The following SLC30A8 variants were observed in gnomAD, a reference collection of about 807,000 sequenced individuals.
SLC30A8 encodes proton-coupled zinc antiporter SLC30A8.
SLC30A8 carries 27 observed loss-of-function variants against 36.9 expected under a neutral mutation model. The observed-to-expected ratio is 0.73, with a 90% CI of 0.54 to 1.01. SLC30A8 has a LOEUF of 1.01. Among genes scored for constraint, SLC30A8 ranks in the 50% least tolerant of loss-of-function variants. The pLI, the probability that SLC30A8 is intolerant of heterozygous loss-of-function variation, is 0.00. For synonymous variants in SLC30A8, 164 were observed against 172.4 expected (o/e 0.95, Z 0.38); for missense variants, 439 against 452.0 (o/e 0.97, Z 0.26).
chr8:117,093,703 G>A (rs1819235805), intron 2 of SLC30A8, among the ~76,000 whole-genome samples: 1 of 152,160 alleles, frequency 6.6e-6, no homozygotes, highest in South Asian at 2.1e-4. Context: ...GATTTTTGGG[G>A]TGTTGCTTTG....
intron 1 of SLC30A8, among the ~76,000 whole-genome samples, chr8:117,139,648 A>G (rs1334416482): frequency 6.6e-6 from 1 of 152,122 alleles, no homozygotes; most frequent in African/African-American, 2.4e-5. Context: ...AACAATTAAG[A>G]AGGCCAAAAT....
intron 2 of SLC30A8, among the ~76,000 whole-genome samples, chr8:117,073,981 C>A (rs1818413806): frequency 8.1e-6 from 1 of 122,874 alleles, no homozygotes; most frequent in Non-Finnish European, 1.6e-5. Context: ...ATCTTTCTTG[C>A]CACAGGAGAG....
At chr8:117,090,114 C>T (rs1169934478) in intron 2 of SLC30A8, among the ~76,000 whole-genome samples, 1 of 152,030 alleles carries the variant, frequency 6.6e-6, no homozygotes, top group Non-Finnish European at 1.5e-5. Flanking sequence ...CAGGCATCTG[C>T]CACCATGCCT....
At chr8:117,158,579 T>C (rs1357283908) in intron 4 of SLC30A8, among the ~76,000 whole-genome samples, 2 of 152,266 alleles carry the variant, frequency 1.3e-5, no homozygotes, top group Non-Finnish European at 2.9e-5. Context: ...TTGTCCATTC[T>C]TTTATCTAGG....
intron 5 of SLC30A8, 55 bp downstream of exon 5, chr8:117,161,943 A>G: frequency 6.8e-7 from 1 of 1,473,338 alleles, no homozygotes; most frequent in South Asian, 1.3e-5. Context: ...GTAGTACAGA[A>G]GCTGACCCTC....
rs181418904 is a variant in SLC30A8, at chr8:117,173,867, T to G, written c.*1186T>G. The G allele has an allele frequency of 4.6e-5, 7 of 152,124 alleles. 1 individual carries two copies. In the South Asian group the frequency reaches 6.2e-4, roughly 14 times the overall value. 9.4% of individuals were successfully genotyped at this position (152,124 alleles called of 1,614,324 possible). A position where few individuals can be genotyped will look rare whatever the true frequency, so the allele number is the denominator to read the frequency against. ...AGTATCATGAATTGCAATGATGTAG[T>G]GGGGTATAAAAGGAAAGCGATGGAT... On this transcript the variant is annotated 3_prime_UTR_variant, in exon 8 of 8. Coordinates refer to ENST00000456015, the MANE Select transcript of SLC30A8 (RefSeq NM_173851.3).
chr8:116,978,701 A>G (rs1240719275), intron 1 of SLC30A8, among the ~76,000 whole-genome samples: 1 of 152,238 alleles, frequency 6.6e-6, no homozygotes, highest in African/African-American at 2.4e-5. Context: ...GTGTTCAGAC[A>G]TAATCTGATG....
At chr8:117,009,955 G>A (rs1411473453) in intron 1 of SLC30A8, among the ~76,000 whole-genome samples, 1 of 152,192 alleles carries the variant, frequency 6.6e-6, no homozygotes, top group South Asian at 2.1e-4. Context: ...CAACGCACTT[G>A]ACTTGAAGAG....
At position 117,162,000 on chromosome 8, in the gene SLC30A8, A is replaced by T. The variant is rs1586608637; in HGVS notation, c.723+112A>T. ...GGGCATCCTCTGTTTACCTATACAA[A>T]CTACTTTGCAAAGCTAAAGCAAGCA... On this transcript the variant is annotated intron_variant, in intron 5 of 7. Coordinates refer to ENST00000456015, the MANE Select transcript of SLC30A8 (RefSeq NM_173851.3). 8 of 918,662 alleles carry T rather than the reference A, an allele frequency of 8.7e-6. No individual in the cohort carries two copies. In the South Asian group the frequency reaches 1.2e-4, roughly 14 times the overall value. The allele number at this position is 918,662 out of a possible 1,614,324, so 56.9% of individuals were successfully genotyped here.
At chr8:117,136,680 T>A (rs1445926692) in intron 1 of SLC30A8, among the ~76,000 whole-genome samples, 2 of 152,008 alleles carry the variant, frequency 1.3e-5, no homozygotes, top group African/African-American at 4.8e-5. Flanking sequence ...AGCCTTGTGG[T>A]AAGTCAGGCA....
intron 1 of SLC30A8, among the ~76,000 whole-genome samples, chr8:116,976,834 T>TCTTTCTTTC (rs1815044867): frequency 2.1e-5 from 3 of 143,076 alleles, no homozygotes; most frequent in African/African-American, 8.9e-5. Context: ...TTTTTTTTTT[T>TCTTTCTTTC]TTTTACAGAG....
At chr8:116,955,606 T>C (rs1467283987) in intron 1 of SLC30A8, among the ~76,000 whole-genome samples, 2 of 151,820 alleles carry the variant, frequency 1.3e-5, no homozygotes, top group African/African-American at 2.4e-5. Context: ...GGTGCATGCC[T>C]ATAGTTGCAG....
intron 1 of SLC30A8, among the ~76,000 whole-genome samples, chr8:117,021,506 T>C (rs1816694347): frequency 6.6e-6 from 1 of 152,210 alleles, no homozygotes; most frequent in Non-Finnish European, 1.5e-5. Context: ...CCTAAATATG[T>C]AGAGGAAAAC....
intron 1 of SLC30A8, among the ~76,000 whole-genome samples, chr8:117,136,725 T>C (rs941913246): frequency 5.9e-5 from 9 of 151,988 alleles, no homozygotes; most frequent in African/African-American, 1.7e-4. Context: ...ACCCTATGGA[T>C]ACTATCAATA....
At chr8:116,996,724 G>A (rs1815833621) in intron 1 of SLC30A8, among the ~76,000 whole-genome samples, 1 of 152,146 alleles carries the variant, frequency 6.6e-6, no homozygotes, top group Non-Finnish European at 1.5e-5. Context: ...GTGTAAGCTT[G>A]TGAGACATGT....
Position 117,172,821 on chromosome 8 carries a change from G to C in SLC30A8, c.*140G>C, listed in dbSNP as rs901175010. The C allele has an allele frequency of 9.9e-7, 1 of 1,011,576 alleles. No individual in the cohort carries two copies. Among genetic ancestry groups the C allele is most frequent in the Non-Finnish European group, 1.5e-6 (1 of 682,318 alleles). 62.7% of individuals were successfully genotyped at this position (1,011,576 alleles called of 1,614,324 possible). A position where few individuals can be genotyped will look rare whatever the true frequency, so the allele number is the denominator to read the frequency against. ...AATGCACATTTTATCTATTTATTTA[G>C]TTCCATTCACCATGAAGGAAGAGGC... On this transcript the variant is annotated 3_prime_UTR_variant, in exon 8 of 8. Transcript: ENST00000456015.
At chr8:117,059,042 G>A (rs1817954330) in intron 2 of SLC30A8, among the ~76,000 whole-genome samples, 1 of 152,136 alleles carries the variant, frequency 6.6e-6, no homozygotes, top group Non-Finnish European at 1.5e-5. Context: ...TCATACTGCA[G>A]AACATTATAA....
chr8:116,973,341 C>T (rs1814856396), intron 1 of SLC30A8, among the ~76,000 whole-genome samples: 1 of 152,142 alleles, frequency 6.6e-6, no homozygotes, highest in Non-Finnish European at 1.5e-5. Flanking sequence ...GGTGGAAGCA[C>T]TTTATGCAAC....
In SLC30A8 at chr8:117,167,480, C is replaced by CATATATATATATATATATATATAT. The variant is rs370309015; in HGVS notation, c.830-3541_830-3540insTATATATATATATATATATATATA. 1.7e-4 allele frequency among the ~76,000 whole-genome samples: 20 copies of CATATATATATATATATATATATAT among 121,046 alleles called. 1 individual carries two copies. Among genetic ancestry groups the CATATATATATATATATATATATAT allele is most frequent in the African/African-American group, 5.0e-4 (18 of 36,226 alleles). The allele number at this position is 121,046 out of a possible 152,430, so 79.4% of individuals were successfully genotyped here. ...CTTTCCAAAGATATTTGTGCATTTG[C>CATATATATATATATATATATATAT]ATATATATATATACATACATACATG... On this transcript the variant is annotated intron_variant, in intron 6 of 7. Transcript: ENST00000456015.
Sources: gnomAD v4.1 joint callset for allele counts (sites outside exome capture counted in the v4.1 genomes callset) on GRCh38, gnomAD v4.1.1 for gene constraint, MANE v1.5 for transcripts, NCBI Gene and HGNC (gene_info 2026-07-23, HGNC 2026-07-21) for gene names.